Variants in LARGE1 observed in about 807,000 individuals in gnomAD.
LARGE1 encodes LARGE xylosyl- and glucuronyltransferase 1, also known as xylosyl- and glucuronyltransferase LARGE1.
LARGE1 carries 43 observed loss-of-function variants against 87.6 expected under a neutral mutation model. The observed-to-expected ratio is 0.49, with a 90% CI of 0.38 to 0.63. The LOEUF is 0.63. Among genes scored for constraint, LARGE1 ranks in the 30% least tolerant of loss-of-function variants. The pLI is 0.00. For missense variants in LARGE1, 802 were observed against 1,000.2 expected (o/e 0.80, Z 2.67); for synonymous variants, 434 against 394.6 (o/e 1.10, Z -1.18).
Position 33,263,930 on chromosome 22 carries a change from T to C in LARGE1, c.1730+40299A>G, listed in dbSNP as rs151280168. 8.3e-3 allele frequency among the ~76,000 whole-genome samples: 1,269 copies of C among 152,346 alleles called. 19 individuals are homozygous for C. Among genetic ancestry groups the C allele is most frequent in the African/African-American group, 0.029 (1,203 of 41,576 alleles). ...ATCTCAGTTCTGCTACTTACTGTTA[T>C]GACTTTGGGCAAATTACTTAACTTC... On this transcript the variant is annotated intron_variant, in intron 11 of 11. Transcript: ENST00000608642.
At chr22:33,521,932 C>T (rs186618662) in intron 6 of LARGE1, among the ~76,000 whole-genome samples, 10 of 152,278 alleles carry the variant, frequency 6.6e-5, no homozygotes, top group Admixed American at 3.9e-4. Flanking sequence ...CTTCCAATCA[C>T]GGCAGAAGGC....
rs559805556 is a variant in LARGE1, at chr22:33,765,161, A to C, written c.-82-3603T>G. Among the ~76,000 whole-genome samples, 5 of 152,264 alleles carry C rather than the reference A, an allele frequency of 3.3e-5. No homozygotes were observed. In the South Asian group the frequency reaches 6.2e-4, roughly 19 times the overall value. On this transcript the variant is annotated intron_variant, in intron 1 of 14. Transcript: ENST00000397394. ...TTCCAGTCCCCACTGTACGGATGAG[A>C]AAATTAAGGCCTAGAGAGATTAATT...
intron 7 of LARGE1, among the ~76,000 whole-genome samples, chr22:33,384,531 G>A (rs1466659434): frequency 7.9e-6 from 1 of 126,094 alleles, no homozygotes; most frequent in Non-Finnish European, 1.9e-5. Flanking sequence ...TCAAGCCTAG[G>A]ACCTGCCAGT....
intron 1 of LARGE1, among the ~76,000 whole-genome samples, chr22:33,857,689 G>T (rs2063793742): frequency 6.6e-6 from 1 of 152,222 alleles, no homozygotes. Flanking sequence ...ACCCAGGGCA[G>T]TTATCTGCTT....
chr22:33,746,237 G>A (rs535248503), intron 2 of LARGE1, among the ~76,000 whole-genome samples: 42 of 152,274 alleles, frequency 2.8e-4, no homozygotes, highest in Admixed American at 2.4e-3. Context: ...GCAAGACTCC[G>A]TCTCAAAACA....
intron 3 of LARGE1, among the ~76,000 whole-genome samples, chr22:33,634,257 G>A (rs1015652935): frequency 6.6e-6 from 1 of 152,136 alleles, no homozygotes; most frequent in Non-Finnish European, 1.5e-5. Flanking sequence ...AGAATCACCT[G>A]GAGGGGCTTG....
At chr22:33,674,109 A>G (rs151307629) in intron 2 of LARGE1, among the ~76,000 whole-genome samples, 289 of 150,132 alleles carry the variant, frequency 1.9e-3, no homozygotes, top group African/African-American at 6.8e-3. Context: ...GCACCCCGCT[A>G]ATTTTTTTTA....
At chr22:33,512,167 T>C (rs757085665) in intron 6 of LARGE1, among the ~76,000 whole-genome samples, 3 of 152,178 alleles carry the variant, frequency 2.0e-5, no homozygotes, top group African/African-American at 4.8e-5. Context: ...GAAACTGATA[T>C]TGTAGATTAA....
At chr22:33,228,624 T>G (rs1004832951) in intron 11 of LARGE1, among the ~76,000 whole-genome samples, 6 of 152,220 alleles carry the variant, frequency 3.9e-5, no homozygotes, top group African/African-American at 1.4e-4. Context: ...GTCCTTTAAT[T>G]AAATACATCT....
intron 5 of LARGE1, among the ~76,000 whole-genome samples, chr22:33,598,493 AG>A (rs2148952486): frequency 6.6e-6 from 1 of 152,262 alleles, no homozygotes; most frequent in South Asian, 2.1e-4. Context: ...CATCTACATT[AG>A]GTATTTTTCC....
chr22:33,852,015 A>T (rs2063597574), intron 1 of LARGE1, among the ~76,000 whole-genome samples: 1 of 151,932 alleles, frequency 6.6e-6, no homozygotes, highest in African/African-American at 2.4e-5. Context: ...TGACTCCATC[A>T]CTCTATATTG....
the LARGE1 span, among the ~76,000 whole-genome samples, chr22:33,097,871 C>T: frequency 6.6e-6 from 1 of 152,168 alleles, no homozygotes; most frequent in Admixed American, 6.5e-5. Context: ...GGTTCTGGCA[C>T]ACATCAAGAA....
chr22:33,475,615 C>T (rs1023924336), intron 6 of LARGE1, among the ~76,000 whole-genome samples: 7 of 151,990 alleles, frequency 4.6e-5, no homozygotes, highest in Admixed American at 1.3e-4. Flanking sequence ...GCATGCACCA[C>T]GACACCTGGC....
intron 4 of LARGE1, among the ~76,000 whole-genome samples, chr22:33,615,906 C>A (rs9621730): frequency 0.01 from 1,578 of 152,142 alleles, 30 homozygotes; most frequent in African/African-American, 0.036. Context: ...GGCCAACAAG[C>A]ACACGAAAAG....
Position 33,191,894 on chromosome 22 carries a change from C to A in LARGE1, c.1731-25062G>T, listed in dbSNP as rs137418. ...AAGCACATTAATCATAGATTTTCCC[C>A]ACTAGTGTATCAACACAGACTGAAT... On this transcript the variant is annotated intron_variant, in intron 11 of 11. Coordinates refer to the LARGE1 transcript ENST00000608642. 2.0e-5 allele frequency among the ~76,000 whole-genome samples: 3 copies of A among 151,882 alleles called. No individual in the cohort carries two copies. The South Asian group carries it at 6.2e-4, about 31-fold the overall frequency.
chr22:33,665,668 G>A (rs1300093667), intron 2 of LARGE1, among the ~76,000 whole-genome samples: 1 of 152,116 alleles, frequency 6.6e-6, no homozygotes, highest in Non-Finnish European at 1.5e-5. Context: ...TGAGGCAGGC[G>A]GATCATGAAG....
At chr22:33,714,794 T>C (rs1464084033) in intron 2 of LARGE1, among the ~76,000 whole-genome samples, 2 of 152,310 alleles carry the variant, frequency 1.3e-5, no homozygotes, top group East Asian at 1.9e-4. Context: ...CTGCTCCATG[T>C]ACCCTAAATT....
chr22:33,601,428 C>T (rs1602655850), intron 5 of LARGE1, among the ~76,000 whole-genome samples: 1 of 152,108 alleles, frequency 6.6e-6, no homozygotes, highest in Non-Finnish European at 1.5e-5. Context: ...TACAGAGGGG[C>T]TGTCAGGCTG....
intron 2 of LARGE1, among the ~76,000 whole-genome samples, chr22:33,706,253 T>C (rs371779346): frequency 2.6e-5 from 4 of 152,294 alleles, no homozygotes; most frequent in South Asian, 2.1e-4. Flanking sequence ...CTTCCCATTA[T>C]AGCAAACATG....
Sources: allele counts gnomAD v4.1 joint callset (sites outside exome capture counted in the v4.1 genomes callset), GRCh38; gene constraint gnomAD v4.1.1; transcripts MANE v1.5; gene names NCBI Gene and HGNC (gene_info 2026-07-23, HGNC 2026-07-21).